Variants in CDHR1 observed in about 807,000 individuals in gnomAD.
The protein encoded by CDHR1 is cadherin-related family member 1.
CDHR1 carries 61 observed loss-of-function variants against 72.1 expected under a neutral mutation model. That is an observed-to-expected ratio of 0.85 (90% CI 0.69 to 1.05). The LOEUF is 1.05. CDHR1 is among the 50% of genes least tolerant of loss of function. CDHR1 has a pLI of 0.00. For synonymous variants in CDHR1, 470 were observed against 448.1 expected, an observed-to-expected ratio of 1.05 and a Z score of -0.62; for missense variants, 1,186 against 1,115.7, an observed-to-expected ratio of 1.06 and a Z score of -0.90.
intron 6 of CDHR1, 81 bp from the exon 7 acceptor site, chr10:84,201,726 C>T: frequency 6.2e-6 from 7 of 1,128,348 alleles, no homozygotes; most frequent in Non-Finnish European, 9.2e-6. Context: ...GCAGTGAGGA[C>T]CCCCTTCAGA....
chr10:84,216,799 C>G lies in CDHR1; in HGVS notation c.*2178C>G. 2.0e-6 allele frequency: 2 copies of G among 985,480 alleles called. No homozygotes were observed. Among genetic ancestry groups the G allele is most frequent in the Non-Finnish European group, 2.4e-6 (2 of 829,968 alleles). 61.0% of individuals were successfully genotyped at this position (985,480 alleles called of 1,614,324 possible). ...CAGGGCTGCATGGAGAGGAATGGAA[C>G]CTGGAGCTAGAATTAATTGCCCACT... is the stretch of plus-strand genomic sequence containing the variant. On this transcript the variant is annotated 3_prime_UTR_variant, in exon 17 of 17. Coordinates refer to ENST00000623527, the MANE Select transcript of CDHR1 (RefSeq NM_033100.4).
Position 84,214,281 on chromosome 10 carries a change from C to T in CDHR1, c.2240C>T (p.Ala747Val), listed in dbSNP as rs1288807202. 3.1e-6 allele frequency: 5 copies of T among 1,613,808 alleles called. No homozygotes were observed. Among genetic ancestry groups the T allele is most frequent in the Non-Finnish European group, 3.4e-6 (4 of 1,180,038 alleles). ...RRVLRKRPSP[A>V]PRTIRIEWLK... Reference sequence around the variant, plus strand: ...GTGCTCCGCAAGCGGCCCAGCCCTGCGCCCCGCACCATCCGCATTGAGTGG... The same window carrying T: ...GTGCTCCGCAAGCGGCCCAGCCCTGTGCCCCGCACCATCCGCATTGAGTGG... The change falls in exon 17 of 17, where the codon GCG becomes GTG. Residue 747 changes from alanine to valine, a missense_variant. Ala to Val is a moderately conservative substitution (Grantham distance 64, BLOSUM62 0). Transcript: ENST00000623527.
Position 84,216,921 on chromosome 10 carries a change from T to G in CDHR1, c.*2300T>G. The G allele has an allele frequency of 1.0e-6, 1 of 985,486 alleles. No homozygotes were observed. The highest frequency in any genetic ancestry group is 1.2e-6 in the Non-Finnish European group (1 of 829,974). The allele number at this position is 985,486 out of a possible 1,614,324, so 61.0% of individuals were successfully genotyped here. On this transcript the variant is annotated 3_prime_UTR_variant, in exon 17 of 17. Coordinates refer to ENST00000623527, the MANE Select transcript of CDHR1 (RefSeq NM_033100.4). ...AGCACTGTCGTCTCTCAGACAGGCG[T>G]CCTAAAGACCTCTAGGCTGGAAGCT...
chr10:84,204,659 C>A, intron 9 of CDHR1, 54 bp downstream of exon 9: 2 of 1,208,434 alleles, frequency 1.7e-6, no homozygotes, highest in Non-Finnish European at 2.5e-6. Flanking sequence ...GTGACCAGAG[C>A]AAGGTTCCTC....
At chr10:84,202,070 G>A in intron 7 of CDHR1, 150 bp downstream of exon 7, 1 of 720,008 alleles carries the variant, frequency 1.4e-6, no homozygotes, top group South Asian at 1.5e-5. Flanking sequence ...AATTTTTCCT[G>A]CCTGGACATA....
At chr10:84,205,458 C>G (rs942006861) in intron 9 of CDHR1, among the ~76,000 whole-genome samples, 3 of 151,892 alleles carry the variant, frequency 2.0e-5, no homozygotes, top group African/African-American at 7.3e-5. Context: ...TCTTTCCCCC[C>G]TCCCCTTCCA....
chr10:84,202,890 T>G, intron 7 of CDHR1, 90 bp from the exon 8 acceptor site: 1 of 1,460,712 alleles, frequency 6.8e-7, no homozygotes, highest in Non-Finnish European at 9.6e-7. Context: ...CTCACAGCCA[T>G]AGGTGGCAGA....
rs568629309 is a variant in CDHR1 at position 84,201,362 on chromosome 10, G to A, written c.526-445G>A. Among the ~76,000 whole-genome samples, 6 of 152,274 alleles carry A rather than the reference G, an allele frequency of 3.9e-5. No individual in the cohort carries two copies. In the South Asian group the frequency reaches 6.2e-4, roughly 16 times the overall value. On this transcript the variant is annotated intron_variant, in intron 6 of 16. Coordinates refer to ENST00000623527, the MANE Select transcript of CDHR1 (RefSeq NM_033100.4). ...CTTCAGGCTGCACACCCTCTCCCCCGATGCCAGGCTGCCTGGGACTGGCCC... is the reference window on the plus strand; with the variant it reads ...CTTCAGGCTGCACACCCTCTCCCCCAATGCCAGGCTGCCTGGGACTGGCCC...
intron 10 of CDHR1, among the ~76,000 whole-genome samples, chr10:84,206,935 T>C (rs1053003581): frequency 2.0e-5 from 3 of 152,056 alleles, no homozygotes; most frequent in African/African-American, 7.2e-5. Flanking sequence ...ATGAGGCAGA[T>C]TGCACAGAAT....
intron 3 of CDHR1, 25 bp downstream of exon 3, chr10:84,196,675 G>A: frequency 6.2e-7 from 1 of 1,614,054 alleles, no homozygotes; most frequent in Non-Finnish European, 8.5e-7. Flanking sequence ...GGGGAGTGCT[G>A]CGGGGCCACT....
chr10:84,219,023 T>A, downstream of CDHR1: 1 of 712,596 alleles, frequency 1.4e-6, no homozygotes, highest in Non-Finnish European at 2.3e-6. Flanking sequence ...AGGACTGTTA[T>A]TATCCCCATT....
chr10:84,217,129 G>A lies in CDHR1; in HGVS notation c.*2508G>A. The A allele has an allele frequency of 1.0e-6, 1 of 985,648 alleles. No individual in the cohort carries two copies. The highest frequency in any genetic ancestry group is 1.2e-6 in the Non-Finnish European group (1 of 830,094). 61.1% of individuals were successfully genotyped at this position (985,648 alleles called of 1,614,324 possible). ...CTTAAGGCACCGGCAAGTGTTGTCA[G>A]CACTGGAGGAGACCCCGCCAGTGGG... On this transcript the variant is annotated 3_prime_UTR_variant, in exon 17 of 17. Coordinates refer to ENST00000623527, the MANE Select transcript of CDHR1 (RefSeq NM_033100.4).
intron 12 of CDHR1, 71 bp downstream of exon 12, chr10:84,208,952 T>C (rs146010896): frequency 1.7e-4 from 259 of 1,493,074 alleles, no homozygotes; most frequent in Non-Finnish European, 2.2e-4. Flanking sequence ...TCTTGGTTCA[T>C]TCCTGAGGGG....
Position 84,215,835 on chromosome 10 carries a change from C to G in CDHR1, c.*1214C>G. 1 of 985,546 alleles carries G rather than the reference C, an allele frequency of 1.0e-6. No homozygotes were observed. The highest frequency in any genetic ancestry group is 1.2e-6 in the Non-Finnish European group (1 of 830,034). 61.1% of individuals were successfully genotyped at this position (985,546 alleles called of 1,614,324 possible). A position where few individuals can be genotyped will look rare whatever the true frequency, so the allele number is the denominator to read the frequency against. ...TGATGGCATTGCCGTGACTCACACA[C>G]CTCTACTTCTGTTCTTCCCTCACTC... is the stretch of plus-strand genomic sequence containing the variant. On this transcript the variant is annotated 3_prime_UTR_variant, in exon 17 of 17. Coordinates refer to ENST00000623527, the MANE Select transcript of CDHR1 (RefSeq NM_033100.4).
intron 1 of CDHR1, among the ~76,000 whole-genome samples, 171 bp downstream of exon 1, chr10:84,194,986 A>T (rs929692515): frequency 1.3e-5 from 2 of 151,860 alleles, no homozygotes; most frequent in Non-Finnish European, 2.9e-5. Context: ...GGTAGTGGGG[A>T]GTGGGGTAGC....
At chr10:84,209,917 C>T (rs1032992449) in intron 12 of CDHR1, among the ~76,000 whole-genome samples, 2 of 152,150 alleles carry the variant, frequency 1.3e-5, no homozygotes, top group African/African-American at 2.4e-5. Flanking sequence ...TTCAAACTCT[C>T]CTTAAGTTAA....
At chr10:84,210,214 G>GTT (rs151161936) in intron 12 of CDHR1, among the ~76,000 whole-genome samples, 2 of 151,544 alleles carry the variant, frequency 1.3e-5, no homozygotes, top group African/African-American at 2.4e-5. Flanking sequence ...GCCAAGACTC[G>GTT]TTTTTTTTGT....
Position 84,194,782 on chromosome 10 carries a change from G to T in CDHR1, c.22G>T (p.Ala8Ser), listed in dbSNP as rs1293496024. The T allele has an allele frequency of 5.2e-6, 8 of 1,528,010 alleles. No individual in the cohort carries two copies. The highest frequency in any genetic ancestry group is 4.8e-5 in the South Asian group (4 of 83,570). The allele number at this position is 1,528,010 out of a possible 1,614,324, so 94.7% of individuals were successfully genotyped here. Residue 8 changes from alanine to serine, a missense_variant, in exon 1 of 17, where the codon GCC (alanine) becomes TCC (serine). Coordinates refer to ENST00000623527, the MANE Select transcript of CDHR1 (RefSeq NM_033100.4). ...AGACATGAGGCGCTGCCGGTGGGCC[G>T]CCCTGGCCCTGGGGCTGCTGCGCCT... The part of the protein sequence containing the change: MRRCRWA[A>S]LALGLLRLCL...
rs766356946 is a variant in CDHR1 at position 84,211,158 on chromosome 10, C to T, written c.1478C>T (p.Ala493Val). The change falls in exon 13 of 17, where the codon GCT (alanine) becomes GTT (valine). Residue 493 changes from alanine to valine, a missense_variant. Coordinates refer to ENST00000623527, the MANE Select transcript of CDHR1 (RefSeq NM_033100.4). ...GCCCCAGGGGGCTCCAGCGTGGTGG[C>T]TGTCACAGTGGGTTGGGCACTGGCC... ...ENAPGGSSVVAVTAVDPDTGP... is the reference protein window; with the variant it reads ...ENAPGGSSVVVVTAVDPDTGP... 4 of 1,614,218 alleles carry T rather than the reference C, an allele frequency of 2.5e-6. No homozygotes were observed. In the East Asian group the frequency reaches 6.7e-5, roughly 27 times the overall value.
Sources: gnomAD v4.1 joint callset for allele counts (sites outside exome capture counted in the v4.1 genomes callset) on GRCh38, gnomAD v4.1.1 for gene constraint, MANE v1.5 for transcripts, NCBI Gene and HGNC (gene_info 2026-07-23, HGNC 2026-07-21) for gene names.